The following TNKS variants were observed in gnomAD, a reference collection of about 807,000 sequenced individuals.
TNKS encodes poly [ADP-ribose] polymerase tankyrase-1.
In TNKS, 72 loss-of-function variants were observed where a neutral mutation model predicts 135.8. That is an observed-to-expected ratio of 0.53 (90% CI 0.44 to 0.64). The LOEUF (loss-of-function observed/expected upper bound fraction) is 0.64, where lower values mean the gene tolerates loss of function less well. Ranked by LOEUF, TNKS falls within the 30% of genes least tolerant of loss-of-function variation. The pLI, the probability that TNKS is intolerant of heterozygous loss-of-function variation, is 0.00. For missense variants in TNKS, 1,769 were observed against 1,674.0 expected (o/e 1.06, Z -0.99); for synonymous variants, 849 against 649.3 (o/e 1.31, Z -4.68).
intron 5 of TNKS, among the ~76,000 whole-genome samples, chr8:9,695,552 G>A (rs1199921786): frequency 6.6e-6 from 1 of 152,076 alleles, no homozygotes; most frequent in Non-Finnish European, 1.5e-5. Flanking sequence ...TTCTTAGAGT[G>A]AGATGAAGAC....
intron 5 of TNKS, 29 bp from the exon 6 acceptor site, chr8:9,704,633 AC>A (rs1460124239): frequency 6.4e-7 from 1 of 1,562,572 alleles, no homozygotes; most frequent in Admixed American, 1.8e-5. Context: ...GTTTGTTTTT[AC>A]CTGAAAAGGG....
intron 3 of TNKS, among the ~76,000 whole-genome samples, chr8:9,658,675 A>G (rs1801543189): frequency 6.6e-6 from 1 of 152,248 alleles, no homozygotes; most frequent in Non-Finnish European, 1.5e-5. Flanking sequence ...AACTGCATCA[A>G]CTAATGAGCA....
At chr8:9,687,249 A>G (rs557566875) in intron 5 of TNKS, among the ~76,000 whole-genome samples, 10 of 152,178 alleles carry the variant, frequency 6.6e-5, no homozygotes, top group Non-Finnish European at 1.3e-4. Flanking sequence ...TTGGGATTAC[A>G]AGAAGGTCAA....
intron 3 of TNKS, among the ~76,000 whole-genome samples, chr8:9,619,942 C>A (rs1799802562): frequency 6.6e-6 from 1 of 151,552 alleles, no homozygotes; most frequent in Non-Finnish European, 1.5e-5. Flanking sequence ...GGAACTCTTT[C>A]CTTATTTTTA....
intron 17 of TNKS, among the ~76,000 whole-genome samples, chr8:9,746,723 A>G (rs957534124): frequency 6.6e-6 from 1 of 152,046 alleles, no homozygotes; most frequent in African/African-American, 2.4e-5. Flanking sequence ...GCTGGTTGGT[A>G]GGTGAGTGGT....
intron 3 of TNKS, chr8:9,679,647 T>A (rs1802687544): frequency 3.4e-6 from 1 of 297,530 alleles, no homozygotes; most frequent in Non-Finnish European, 6.4e-6. Context: ...GACATTGTCT[T>A]CAGCTGGCAT....
intron 1 of TNKS, chr8:9,557,510 C>T (rs1815375589): frequency 6.6e-6 from 1 of 151,500 alleles, no homozygotes; most frequent in South Asian, 2.1e-4. Flanking sequence ...AATCTCACTG[C>T]CTGGATACCT....
chr8:9,601,072 T>G (rs935432461), intron 2 of TNKS, among the ~76,000 whole-genome samples: 1 of 152,210 alleles, frequency 6.6e-6, no homozygotes, highest in Non-Finnish European at 1.5e-5. Context: ...TGCATAAAGA[T>G]CATTTTTGTC....
At chr8:9,718,257 C>T (rs1804707106) in intron 11 of TNKS, among the ~76,000 whole-genome samples, 1 of 152,108 alleles carries the variant, frequency 6.6e-6, no homozygotes, top group Admixed American at 6.5e-5. Flanking sequence ...CTGTTTTCAA[C>T]TCTCGGCTTA....
intron 12 of TNKS, among the ~76,000 whole-genome samples, chr8:9,723,216 C>G (rs1804988471): frequency 6.7e-6 from 1 of 149,340 alleles, no homozygotes; most frequent in Non-Finnish European, 1.5e-5. Flanking sequence ...TTTTAAACTA[C>G]TATTTTTACC....
intron 2 of TNKS, among the ~76,000 whole-genome samples, chr8:9,588,829 A>G (rs552200334): frequency 7.8e-4 from 119 of 152,276 alleles, no homozygotes; most frequent in African/African-American, 2.0e-3. Context: ...TGCTTGGCCT[A>G]TGGTTCTTTT....
At chr8:9,759,637 G>A (rs556351400) in intron 20 of TNKS, among the ~76,000 whole-genome samples, 1 of 152,218 alleles carries the variant, frequency 6.6e-6, no homozygotes, top group South Asian at 2.1e-4. Flanking sequence ...TGCTGGCCTG[G>A]TGTCTGCTTC....
In TNKS at chr8:9,776,730, G is replaced by A; in HGVS notation, c.3978G>A (p.Lys1326=). The A allele has an allele frequency of 6.2e-7, 1 of 1,613,948 alleles. No individual in the cohort carries two copies. Among genetic ancestry groups the A allele is most frequent in the East Asian group, 2.2e-5 (1 of 44,884 alleles). Residue 1326 remains lysine, a synonymous_variant, in exon 27 of 27, where the codon AAG becomes AAA. Coordinates refer to ENST00000310430, the MANE Select transcript of TNKS (RefSeq NM_003747.3). ...AGACCGCAACAGCCGCAGAGCAGAA[G>A]ACCTAGTGAATGCCTGCTGGTGAAG... The part of the protein sequence containing the change: ...PSQTATAAEQ[K]T
Position 9,630,668 on chromosome 8 carries a change from A to T in TNKS, c.994+14991A>T, listed in dbSNP as rs1800256205. 1.3e-5 allele frequency among the ~76,000 whole-genome samples: 2 copies of T among 152,240 alleles called. 1 individual carries two copies. The highest frequency in any genetic ancestry group is 4.1e-4 in the South Asian group (2 of 4,828). ...GAGTATGCAATGTCTGGCCCATACTAGTACTCCAATAATAGCCTTTGTTAT... is the reference window on the plus strand; with the variant it reads ...GAGTATGCAATGTCTGGCCCATACTTGTACTCCAATAATAGCCTTTGTTAT... On this transcript the variant is annotated intron_variant, in intron 3 of 26. Transcript: ENST00000310430.
In TNKS at chr8:9,597,447, C is replaced by G. The variant is rs1465838937; in HGVS notation, c.898+17064C>G. ...TTACCATCAGCGTGAATTTGTGTTA[C>G]ATTCTTTGTTTAGTATCCTTTGTAA... On this transcript the variant is annotated intron_variant, in intron 2 of 26. Transcript: ENST00000310430. Among the ~76,000 whole-genome samples, 779 of 152,272 alleles carry G rather than the reference C, an allele frequency of 5.1e-3. 6 individuals carry two copies. The highest frequency in any genetic ancestry group is 0.018 in the African/African-American group (742 of 41,544).
intron 2 of TNKS, among the ~76,000 whole-genome samples, chr8:9,598,467 A>G (rs375679751): frequency 2.0e-5 from 3 of 151,816 alleles, no homozygotes; most frequent in African/African-American, 7.3e-5. Context: ...GTAAGTTTAA[A>G]CCTTGTAACT....
Position 9,555,953 on chromosome 8 carries a change from G to T in TNKS, c.14G>T (p.Arg5Leu). 1 of 1,611,864 alleles carries T rather than the reference G, an allele frequency of 6.2e-7. No individual in the cohort carries two copies. Among genetic ancestry groups the T allele is most frequent in the Non-Finnish European group, 8.5e-7 (1 of 1,179,320 alleles). ...GGGAGTCCGAAGATGGCGGCGTCGCGTCGCTCTCAGCATCATCACCACCAT... is the reference window on the plus strand; with the variant it reads ...GGGAGTCCGAAGATGGCGGCGTCGCTTCGCTCTCAGCATCATCACCACCAT... MAAS[R>L]RSQHHHHHHQ... is the part of the protein sequence containing the mutation. Residue 5 changes from arginine to leucine, a missense_variant, in exon 1 of 27, where the codon CGT becomes CTT. By Grantham distance (102) the Arg-to-Leu change is moderately radical. Around this residue, in one of 5 missense-constraint regions of TNKS, gnomAD observed 450 missense variants for 304.9 expected, o/e 1.48. Transcript: ENST00000310430.
Position 9,752,584 on chromosome 8 carries a change from C to A in TNKS, c.3111C>A (p.Ser1037Arg). 1 of 1,613,224 alleles carries A rather than the reference C, an allele frequency of 6.2e-7. No individual in the cohort carries two copies. ...LDMNISQFLKSLGLEHLRDIF... is the reference protein window; with the variant it reads ...LDMNISQFLKRLGLEHLRDIF... ...TGAATATCAGCCAATTTCTAAAAAG[C>A]CTTGGCCTTGAACACCTTCGGGATA... Residue 1037 changes from serine (S) to arginine (R), a missense_variant, in exon 20 of 27, where the codon AGC becomes AGA. Coordinates refer to ENST00000310430, the MANE Select transcript of TNKS (RefSeq NM_003747.3).
chr8:9,646,463 G>C (rs1169363699), intron 3 of TNKS, among the ~76,000 whole-genome samples: 1 of 151,446 alleles, frequency 6.6e-6, no homozygotes, highest in African/African-American at 2.4e-5. Context: ...TCATTTTTTT[G>C]GTTTCTAAAT....
Sources: gnomAD v4.1 joint callset for allele counts (sites outside exome capture counted in the v4.1 genomes callset) on GRCh38, gnomAD v4.1.1 for gene constraint, gnomAD v4.1.1 regional missense constraint, MANE v1.5 for transcripts, NCBI Gene and HGNC (gene_info 2026-07-23, HGNC 2026-07-21) for gene names.